The following LRRTM4 variants were observed in gnomAD, a reference collection of about 807,000 sequenced individuals.
LRRTM4 encodes the protein leucine-rich repeat transmembrane neuronal protein 4.
A neutral mutation model predicts 47.6 loss-of-function variants in LRRTM4; 25 were observed. The observed-to-expected ratio is 0.53, with a 90% CI of 0.38 to 0.73. The LOEUF (loss-of-function observed/expected upper bound fraction) is 0.73. Ranked by LOEUF, LRRTM4 falls within the 30% of genes least tolerant of loss-of-function variation. The probability of loss-of-function intolerance (pLI) is 0.00; values close to 1 mark genes in which losing one functional copy is unlikely to be tolerated. For missense variants in LRRTM4, 638 were observed against 713.4 expected, an observed-to-expected ratio of 0.89 and a Z score of 1.20; for synonymous variants, 311 against 269.5, an observed-to-expected ratio of 1.15 and a Z score of -1.51.
chr2:77,285,370 T>C (rs968163901), intron 3 of LRRTM4, among the ~76,000 whole-genome samples: 32 of 17,082 alleles, frequency 1.9e-3, no homozygotes, highest in African/African-American at 5.3e-3. Flanking sequence ...ATATGGCCAA[T>C]AGAAATGCTA....
At chr2:77,104,509 G>C (rs939638295) in intron 3 of LRRTM4, among the ~76,000 whole-genome samples, 2 of 152,096 alleles carry the variant, frequency 1.3e-5, no homozygotes, top group Admixed American at 6.5e-5. Context: ...AACTAGGAGA[G>C]AAAAACCTCC....
chr2:76,931,240 T>C (rs566623999), intron 3 of LRRTM4, among the ~76,000 whole-genome samples: 2 of 152,294 alleles, frequency 1.3e-5, no homozygotes, highest in South Asian at 4.1e-4. Flanking sequence ...AAGAAAGTCA[T>C]TAAACAGAAG....
At chr2:77,252,168 A>T (rs1675635796) in intron 3 of LRRTM4, among the ~76,000 whole-genome samples, 1 of 152,090 alleles carries the variant, frequency 6.6e-6, no homozygotes, top group Non-Finnish European at 1.5e-5. Flanking sequence ...TTGCTTTAGA[A>T]TATCTAAGAC....
At chr2:76,943,472 G>A (rs1675220298) in intron 3 of LRRTM4, among the ~76,000 whole-genome samples, 1 of 152,066 alleles carries the variant, frequency 6.6e-6, no homozygotes, top group Admixed American at 6.5e-5. Flanking sequence ...AAACTGCCTG[G>A]ATGATTAATA....
intron 3 of LRRTM4, among the ~76,000 whole-genome samples, chr2:77,053,841 T>C (rs890029667): frequency 2.0e-5 from 3 of 152,132 alleles, no homozygotes; most frequent in South Asian, 2.1e-4. Flanking sequence ...TTGTGAAATA[T>C]AGGTATCATA....
intron 3 of LRRTM4, among the ~76,000 whole-genome samples, chr2:77,193,047 A>T (rs903475605): frequency 6.6e-6 from 1 of 152,172 alleles, no homozygotes; most frequent in African/African-American, 2.4e-5. Context: ...ATAGAACTGA[A>T]AAATGTCTAC....
intron 3 of LRRTM4, among the ~76,000 whole-genome samples, chr2:77,073,231 C>A (rs1287301530): frequency 2.0e-5 from 3 of 151,776 alleles, no homozygotes; most frequent in Non-Finnish European, 2.9e-5. Flanking sequence ...CTTGACAATA[C>A]TATAAGTATT....
intron 3 of LRRTM4, among the ~76,000 whole-genome samples, chr2:77,309,212 A>G (rs1209706259): frequency 6.6e-6 from 1 of 152,182 alleles, no homozygotes; most frequent in African/African-American, 2.4e-5. Context: ...AAATAACATT[A>G]GCATAGAAAC....
intron 3 of LRRTM4, among the ~76,000 whole-genome samples, chr2:77,021,283 G>A (rs947233838): frequency 6.6e-6 from 1 of 152,126 alleles, no homozygotes; most frequent in African/African-American, 2.4e-5. Flanking sequence ...CTTGTAAGAT[G>A]TTGGGGGTGC....
At chr2:77,438,782 A>T (rs1459700192) in intron 3 of LRRTM4, among the ~76,000 whole-genome samples, 1 of 152,204 alleles carries the variant, frequency 6.6e-6, no homozygotes, top group Non-Finnish European at 1.5e-5. Context: ...AGGTATATGC[A>T]AATACATATC....
At chr2:77,137,679 C>A (rs897360100) in intron 3 of LRRTM4, among the ~76,000 whole-genome samples, 2 of 152,054 alleles carry the variant, frequency 1.3e-5, no homozygotes, top group African/African-American at 2.4e-5. Flanking sequence ...CACAGACTGG[C>A]AAATTGGAAA....
At chr2:76,998,621 T>C (rs915445319) in intron 3 of LRRTM4, among the ~76,000 whole-genome samples, 5 of 151,952 alleles carry the variant, frequency 3.3e-5, no homozygotes, top group Admixed American at 6.6e-5. Context: ...TTTGTACACA[T>C]TGAAGTCTGA....
At chr2:77,016,042 C>T (rs1449710215) in intron 3 of LRRTM4, among the ~76,000 whole-genome samples, 1 of 152,048 alleles carries the variant, frequency 6.6e-6, no homozygotes, top group Non-Finnish European at 1.5e-5. Flanking sequence ...GATCACGCCA[C>T]TGCGCTCCAG....
At chr2:76,776,115 C>T (rs868399669) in intron 3 of LRRTM4, among the ~76,000 whole-genome samples, 5 of 152,174 alleles carry the variant, frequency 3.3e-5, no homozygotes, top group South Asian at 2.1e-4. Flanking sequence ...GCATAGTATT[C>T]CACGGTGTAT....
intron 3 of LRRTM4, among the ~76,000 whole-genome samples, chr2:77,373,813 C>T (rs1032663630): frequency 2.6e-5 from 4 of 151,692 alleles, no homozygotes; most frequent in Admixed American, 6.6e-5. Flanking sequence ...AGATACATTC[C>T]TATTAACACA....
chr2:76,981,667 A>G lies in LRRTM4; in HGVS notation c.1552-232751T>C, dbSNP rs150501892. Among the ~76,000 whole-genome samples the G allele has an allele frequency of 1.0e-3, 159 of 151,822 alleles. 1 individual carries two copies. The highest frequency in any genetic ancestry group is 3.7e-3 in the African/African-American group (154 of 41,416). ...GCCACCATGCCTAGCTAGTTTCTAAATTTTTTGCAGAGAAGGAGTCTCGTT... is the reference window on the plus strand; with the variant it reads ...GCCACCATGCCTAGCTAGTTTCTAAGTTTTTTGCAGAGAAGGAGTCTCGTT... On this transcript the variant is annotated intron_variant, in intron 3 of 3. Coordinates refer to ENST00000409884, the MANE Select transcript of LRRTM4 (RefSeq NM_001134745.3).
At chr2:76,940,532 T>A (rs1035189063) in intron 3 of LRRTM4, among the ~76,000 whole-genome samples, 3 of 152,090 alleles carry the variant, frequency 2.0e-5, no homozygotes, top group African/African-American at 7.2e-5. Context: ...AAATAACGAA[T>A]GGGTACTAGG....
intron 3 of LRRTM4, among the ~76,000 whole-genome samples, chr2:76,994,686 AATAAG>A (rs1677137608): frequency 6.6e-6 from 1 of 152,008 alleles, no homozygotes; most frequent in African/African-American, 2.4e-5. Flanking sequence ...AAATTAACAG[AATAAG>A]ATGAGTAATT....
At chr2:76,871,588 T>C (rs530322790) in intron 3 of LRRTM4, among the ~76,000 whole-genome samples, 1 of 152,302 alleles carries the variant, frequency 6.6e-6, no homozygotes, top group African/African-American at 2.4e-5. Flanking sequence ...TCTCCTATGA[T>C]ATCTTCCTTT....
Sources: gnomAD v4.1 joint callset for allele counts (sites outside exome capture counted in the v4.1 genomes callset) on GRCh38, gnomAD v4.1.1 for gene constraint, MANE v1.5 for transcripts, NCBI Gene and HGNC (gene_info 2026-07-23, HGNC 2026-07-21) for gene names.